The following TOP1MT variants were observed in gnomAD, a reference collection of about 807,000 sequenced individuals.
TOP1MT encodes the protein DNA topoisomerase I, mitochondrial.
TOP1MT carries 80 observed loss-of-function variants against 73.9 expected under a neutral mutation model. That is an observed-to-expected ratio of 1.08 (90% CI 0.90 to 1.30). The LOEUF (loss-of-function observed/expected upper bound fraction) is 1.30. TOP1MT is among the 50% of genes most tolerant of loss of function. The probability of loss-of-function intolerance (pLI) is 0.00; values close to 1 mark genes in which losing one functional copy is unlikely to be tolerated. For synonymous variants in TOP1MT, 338 were observed against 326.4 expected, an observed-to-expected ratio of 1.04 and a Z score of -0.38; for missense variants, 815 against 808.0, an observed-to-expected ratio of 1.01 and a Z score of -0.10.
chr8:143,309,737 AG>A, intron 13 of TOP1MT, 194 bp from the exon 14 acceptor site: 1 of 1,532,150 alleles, frequency 6.5e-7, no homozygotes, highest in Non-Finnish European at 8.7e-7. Flanking sequence ...GAGGTGTCAA[AG>A]ACAACCTGCT....
intron 2 of TOP1MT, among the ~76,000 whole-genome samples, chr8:143,342,605 G>A (rs1232543998): frequency 1.7e-4 from 10 of 57,784 alleles, no homozygotes; most frequent in Admixed American, 4.1e-4. Flanking sequence ...ACAGAGTCTC[G>A]CTGTTATTAT....
At chr8:143,310,671 C>A (rs1815987800) in intron 12 of TOP1MT, among the ~76,000 whole-genome samples, 1 of 152,246 alleles carries the variant, frequency 6.6e-6, no homozygotes, top group African/African-American at 2.4e-5. Flanking sequence ...CAGAACATCA[C>A]CCACACATGC....
Position 143,321,328 on chromosome 8 carries a change from C to T in TOP1MT, c.1019G>A (p.Cys340Tyr), listed in dbSNP as rs892462082. The stretch of plus-strand genomic sequence containing the variant: ...GACGTGCTCCACGCGGAGGGAACAG[C>T]AGCCCACGGTGTCGGCCGCCTCACC... ...EDGEAADTVG[C>Y]CSLRVEHVQL... is the part of the protein sequence containing the mutation. Residue 340 changes from cysteine to tyrosine, a missense_variant, in exon 8 of 14, where the codon TGC becomes TAC. Coordinates refer to ENST00000329245, the MANE Select transcript of TOP1MT (RefSeq NM_052963.3). 15 of 1,606,286 alleles carry T rather than the reference C, an allele frequency of 9.3e-6. No homozygotes were observed. The highest frequency in any genetic ancestry group is 1.7e-5 in the Admixed American group (1 of 59,732).
Position 143,330,957 on chromosome 8 carries a change from C to T in TOP1MT, c.238+267G>A, listed in dbSNP as rs539397965. ...GGTGCGGGGGGAGGGAGGGGGGGTCCGCTTTGCCCAGAGGGTCCTGGACAC... is the reference window on the plus strand; with the variant it reads ...GGTGCGGGGGGAGGGAGGGGGGGTCTGCTTTGCCCAGAGGGTCCTGGACAC... On this transcript the variant is annotated intron_variant, in intron 2 of 13. Transcript: ENST00000329245. Among the ~76,000 whole-genome samples the T allele has an allele frequency of 4.6e-5, 7 of 152,094 alleles. 1 individual carries two copies. Among genetic ancestry groups the T allele is most frequent in the Admixed American group, 3.3e-4 (5 of 15,296 alleles).
chr8:143,309,435 T>C lies in TOP1MT; in HGVS notation c.*6A>G. 1.2e-6 allele frequency: 2 copies of C among 1,613,146 alleles called. No homozygotes were observed. The highest frequency in any genetic ancestry group is 8.5e-7 in the Non-Finnish European group (1 of 1,179,908). On this transcript the variant is annotated 3_prime_UTR_variant, in exon 14 of 14. Transcript: ENST00000329245. ...CATACAAAAGAAGTTTCAACACGGC[T>C]CGTCGTTAGAATTCAAAGTCTTCTC...
chr8:143,332,482 C>T (rs1279700630), intron 1 of TOP1MT: 1 of 1,288,988 alleles, frequency 7.8e-7, no homozygotes, highest in African/African-American at 1.5e-5. Flanking sequence ...AGATCACACC[C>T]CCACCTGCCA....
At chr8:143,312,905 A>G (rs891320328) in intron 12 of TOP1MT, among the ~76,000 whole-genome samples, 1 of 152,188 alleles carries the variant, frequency 6.6e-6, no homozygotes, top group Admixed American at 6.5e-5. Context: ...TGGGCAACAT[A>G]CAAAAATTTT....
chr8:143,330,716 G>A (rs1816829470), intron 2 of TOP1MT, among the ~76,000 whole-genome samples: 1 of 152,182 alleles, frequency 6.6e-6, no homozygotes, highest in African/African-American at 2.4e-5. Context: ...TGGGCCCTGG[G>A]GTAGAGAGGA....
chr8:143,323,956 GA>G (rs1816630512), intron 7 of TOP1MT, 42 bp downstream of exon 7: 1 of 1,605,446 alleles, frequency 6.2e-7, no homozygotes, highest in Admixed American at 1.7e-5. Context: ...CTCGCCAGGA[GA>G]ACCAGGATGA....
chr8:143,358,586 G>A (rs969611243), upstream of TOP1MT: 1 of 152,234 alleles, frequency 6.6e-6, no homozygotes, highest in Admixed American at 6.5e-5. Context: ...CCTCTTGAGA[G>A]CAACTTTATC....
In TOP1MT at chr8:143,331,249, G is replaced by A. The variant is rs149232467; in HGVS notation, c.213C>T (p.Pro71=). 365 of 1,610,470 alleles carry A rather than the reference G, an allele frequency of 2.3e-4. No individual in the cohort carries two copies. Among genetic ancestry groups the A allele is most frequent in the Non-Finnish European group, 3.0e-4 (348 of 1,177,186 alleles). ...CTTCATAGAAGAAACGCACTCCGTCGGGAAGGGGCTCGTATGGGGGTGCGA... is the reference window on the plus strand; with the variant it reads ...CTTCATAGAAGAAACGCACTCCGTCAGGAAGGGGCTCGTATGGGGGTGCGA... The part of the protein sequence containing the change: ...PYFAPPYEPL[P]DGVRFFYEGR... Residue 71 remains proline (P), a synonymous_variant, in exon 2 of 14, where the codon CCC becomes CCT. Transcript: ENST00000329245.
upstream of TOP1MT, among the ~76,000 whole-genome samples, chr8:143,336,503 G>A (rs1027745152): frequency 6.6e-6 from 1 of 152,108 alleles, no homozygotes; most frequent in Non-Finnish European, 1.5e-5. Flanking sequence ...AAGACTGGAC[G>A]CTCCTGCTGA....
intron 4 of TOP1MT, among the ~76,000 whole-genome samples, chr8:143,325,988 C>T (rs973643623): frequency 6.6e-6 from 1 of 152,216 alleles, no homozygotes; most frequent in African/African-American, 2.4e-5. Context: ...TGGGAACCCA[C>T]CCTTGATCAA....
chr8:143,352,429 A>G (rs948752485), intron 1 of TOP1MT, among the ~76,000 whole-genome samples: 1 of 152,194 alleles, frequency 6.6e-6, no homozygotes, highest in Non-Finnish European at 1.5e-5. Flanking sequence ...AGACCACTCA[A>G]TGGGGAAAGA....
At chr8:143,318,330 A>C (rs1437714492) in intron 8 of TOP1MT, among the ~76,000 whole-genome samples, 1 of 151,874 alleles carries the variant, frequency 6.6e-6, no homozygotes, top group East Asian at 1.9e-4. Flanking sequence ...TGCCCTGCAA[A>C]CCCCCTGGGT....
chr8:143,337,774 GA>G (rs1297165215), upstream of TOP1MT, among the ~76,000 whole-genome samples: 1 of 152,224 alleles, frequency 6.6e-6, no homozygotes, highest in Non-Finnish European at 1.5e-5. Flanking sequence ...AGAAAAGGCA[GA>G]AGTGAAATTC....
chr8:143,324,609 G>A lies in TOP1MT; in HGVS notation c.692C>T (p.Pro231Leu), dbSNP rs1471825718. ...CTCCTTCCACTGGTGCCCCGCCGGC[G>A]GCTCGGGGATCTTCGAGTCCCTGCA... Reference protein sequence around the residue: ...NCSRDSKIPEPPAGHQWKEVR... With the variant: ...NCSRDSKIPELPAGHQWKEVR... The change falls in exon 6 of 14, where the codon CCG becomes CTG. Residue 231 changes from proline to leucine, a missense_variant. Physicochemically the swap from Pro to Leu is moderately conservative, Grantham distance 98. This residue lies in a region of TOP1MT where 751 missense variants were observed against 725.4 expected (regional missense o/e 1.04). Transcript: ENST00000329245. 11 of 1,613,234 alleles carry A rather than the reference G, an allele frequency of 6.8e-6. No individual in the cohort carries two copies. The highest frequency in any genetic ancestry group is 2.2e-5 in the East Asian group (1 of 44,890).
intron 8 of TOP1MT, among the ~76,000 whole-genome samples, chr8:143,319,269 C>T (rs540769489): frequency 2.0e-5 from 3 of 151,294 alleles, no homozygotes; most frequent in African/African-American, 4.8e-5. Context: ...CTCCATCCCA[C>T]GGTTGGGTCA....
rs1236862713 is a variant in TOP1MT at position 143,309,397 on chromosome 8, A to G, written c.*44T>C. 1 of 1,596,098 alleles carries G rather than the reference A, an allele frequency of 6.3e-7. No individual in the cohort carries two copies. The highest frequency in any genetic ancestry group is 8.6e-7 in the Non-Finnish European group (1 of 1,168,172). On this transcript the variant is annotated 3_prime_UTR_variant, in exon 14 of 14. Transcript: ENST00000329245. Reference sequence around the variant, plus strand: ...TCCCCAGTACTGCTTTAATAGTGAAAAAAACACACACACATACAAAAGAAG... The same window carrying G: ...TCCCCAGTACTGCTTTAATAGTGAAGAAAACACACACACATACAAAAGAAG...
Sources: allele counts gnomAD v4.1 joint callset (sites outside exome capture counted in the v4.1 genomes callset), GRCh38; gene constraint gnomAD v4.1.1; regional missense constraint gnomAD v4.1.1; transcripts MANE v1.5; gene names NCBI Gene and HGNC (gene_info 2026-07-23, HGNC 2026-07-21).